Variants in DNAH6 observed in about 807,000 individuals in gnomAD.
DNAH6 encodes the protein dynein axonemal heavy chain 6.
Under a neutral mutation model 491.4 loss-of-function variants are expected in DNAH6, and 340 were observed. The ratio of observed to expected loss-of-function variants is 0.69; its 90% CI spans 0.63 to 0.76. The LOEUF (loss-of-function observed/expected upper bound fraction) is 0.76, where lower values mean the gene tolerates loss of function less well. Among genes scored for constraint, DNAH6 ranks in the 30% least tolerant of loss-of-function variants. DNAH6 has a pLI of 0.00. For synonymous variants in DNAH6, 1,603 were observed against 1,686.1 expected (o/e 0.95, Z 1.21); for missense variants, 4,443 against 4,972.2 (o/e 0.89, Z 3.20).
At chr2:84,654,951 A>G (rs564916332) in intron 35 of DNAH6, among the ~76,000 whole-genome samples, 169 bp downstream of exon 35, 1 of 151,020 alleles carries the variant, frequency 6.6e-6, no homozygotes, top group South Asian at 2.1e-4. Context: ...ATGTTTATAT[A>G]CTCCCCAAAT....
chr2:84,620,736 A>C (rs1038219535), intron 24 of DNAH6, among the ~76,000 whole-genome samples: 4 of 152,216 alleles, frequency 2.6e-5, no homozygotes, highest in African/African-American at 4.8e-5. Context: ...ATCTTGGGAA[A>C]ACATGAAATT....
At chr2:84,718,855 G>T (rs1490803580) in intron 59 of DNAH6, among the ~76,000 whole-genome samples, 1 of 152,162 alleles carries the variant, frequency 6.6e-6, no homozygotes, top group East Asian at 1.9e-4. Context: ...TCTATGCAGT[G>T]GGAATCTGTG....
intron 53 of DNAH6, 51 bp from the exon 54 acceptor site, chr2:84,707,469 C>G (rs374540130): frequency 1.4e-6 from 2 of 1,446,818 alleles, no homozygotes; most frequent in African/African-American, 2.9e-5. Flanking sequence ...GCTTTTAATA[C>G]TTTATGAAAA....
intron 29 of DNAH6, 109 bp downstream of exon 29, chr2:84,625,172 A>G: frequency 1.9e-6 from 2 of 1,041,392 alleles, no homozygotes; most frequent in Non-Finnish European, 2.6e-6. Context: ...CAAGCAAGAG[A>G]AAAGAAATGG....
At chr2:84,810,435 C>A (rs1679860272) in intron 72 of DNAH6, among the ~76,000 whole-genome samples, 1 of 152,184 alleles carries the variant, frequency 6.6e-6, no homozygotes. Context: ...CTAATGGAAG[C>A]ATAAGGGGAG....
rs1041751592 is a variant in DNAH6, at chr2:84,719,223, G to T, written c.9792+839G>T. On this transcript the variant is annotated intron_variant, in intron 59 of 76. Coordinates refer to ENST00000389394, the MANE Select transcript of DNAH6 (RefSeq NM_001370.2). ...AACAGTAATAAGCAAGTAATTTTGG[G>T]CCTCTGTTTTCTTCCTCTCTGCTTT... 3.9e-5 allele frequency among the ~76,000 whole-genome samples: 6 copies of T among 152,090 alleles called. No homozygotes were observed. In the East Asian group the frequency reaches 1.2e-3, roughly 29 times the overall value.
Position 84,694,412 on chromosome 2 carries a change from C to T in DNAH6, c.7456C>T (p.Leu2486=), listed in dbSNP as rs192985305. The T allele has an allele frequency of 8.2e-5, 128 of 1,552,244 alleles. No individual in the cohort carries two copies. Among genetic ancestry groups the T allele is most frequent in the Non-Finnish European group, 1.1e-4 (125 of 1,147,118 alleles). ...GYNYDSFHED[L]RKLYKMAGVE... Reference sequence around the variant, plus strand: ...TAATTATGATAGTTTTCATGAAGACCTGAGGAAGTTGTACAAAATGGCTGG... The same window carrying T: ...TAATTATGATAGTTTTCATGAAGACTTGAGGAAGTTGTACAAAATGGCTGG... Residue 2486 remains leucine, a synonymous_variant, in exon 46 of 77, where the codon CTG becomes TTG. Coordinates refer to ENST00000389394, the MANE Select transcript of DNAH6 (RefSeq NM_001370.2).
intron 57 of DNAH6, 56 bp from the exon 58 acceptor site, chr2:84,715,504 G>A (rs755892920): frequency 6.8e-7 from 1 of 1,469,380 alleles, no homozygotes; most frequent in African/African-American, 1.4e-5. Flanking sequence ...AATAAAGAAA[G>A]GTATTTTATT....
intron 46 of DNAH6, among the ~76,000 whole-genome samples, chr2:84,697,290 T>A (rs1003050858): frequency 6.6e-6 from 1 of 152,166 alleles, no homozygotes; most frequent in Non-Finnish European, 1.5e-5. Flanking sequence ...GAACTATGGG[T>A]TAGTATTAAT....
chr2:84,544,092 G>A (rs1678531379), intron 4 of DNAH6, 141 bp from the exon 5 acceptor site: 1 of 448,948 alleles, frequency 2.2e-6, no homozygotes. Flanking sequence ...TAATGTGAAA[G>A]TAGTTGGTTA....
intron 59 of DNAH6, among the ~76,000 whole-genome samples, chr2:84,719,895 C>T (rs530269497): frequency 1.5e-5 from 2 of 137,112 alleles, no homozygotes; most frequent in African/African-American, 2.9e-5. Flanking sequence ...CACACACACA[C>T]ACAGACACAC....
rs1247495493 is a variant in DNAH6 at position 84,619,788 on chromosome 2, A to G, written c.3676A>G (p.Lys1226Glu). 1 of 1,551,630 alleles carries G rather than the reference A, an allele frequency of 6.4e-7. No individual in the cohort carries two copies. The highest frequency in any genetic ancestry group is 8.7e-7 in the Non-Finnish European group (1 of 1,146,862). ...AAGGAAATGCTTCGACTCCATTTCA[A>G]AGCTCGAATTTGCTCTCATGCCTCC... is the stretch of plus-strand genomic sequence containing the variant. The part of the protein sequence containing the change: ...HLRKCFDSIS[K>E]LEFALMPPAE... The change falls in exon 24 of 77, where the codon AAG becomes GAG. Residue 1226 changes from lysine to glutamate, a missense_variant. Transcript: ENST00000389394.
chr2:84,598,089 G>T (rs1187883458), intron 18 of DNAH6, among the ~76,000 whole-genome samples: 2 of 142,506 alleles, frequency 1.4e-5, no homozygotes, highest in South Asian at 4.2e-4. Flanking sequence ...AAGTGAACTC[G>T]TGGTTACTCG....
intron 35 of DNAH6, among the ~76,000 whole-genome samples, chr2:84,657,999 G>A (rs1691140156): frequency 6.6e-6 from 1 of 151,936 alleles, no homozygotes; most frequent in African/African-American, 2.4e-5. Flanking sequence ...ATAGAAGAGT[G>A]CATGAAATAT....
At chr2:84,689,905 C>T (rs546431329) in intron 45 of DNAH6, among the ~76,000 whole-genome samples, 1 of 152,296 alleles carries the variant, frequency 6.6e-6, no homozygotes, top group African/African-American at 2.4e-5. Flanking sequence ...TTCATAACAG[C>T]TCTCCAGATA....
chr2:84,500,690 G>A, the DNAH6 span, among the ~76,000 whole-genome samples: 1 of 152,016 alleles, frequency 6.6e-6, no homozygotes, highest in Non-Finnish European at 1.5e-5. Flanking sequence ...ATTTTTTGGT[G>A]TCCTCTTCAA....
At chr2:84,670,587 C>T in intron 39 of DNAH6, 112 bp downstream of exon 39, 1 of 803,290 alleles carries the variant, frequency 1.2e-6, no homozygotes. Context: ...GCTTAATTTA[C>T]TTGTAAAGGT....
At chr2:84,704,453 C>T (rs1032871431) in intron 51 of DNAH6, among the ~76,000 whole-genome samples, 151 bp downstream of exon 51, 1 of 152,160 alleles carries the variant, frequency 6.6e-6, no homozygotes, top group African/African-American at 2.4e-5. Context: ...CATTTTCTTC[C>T]CCAACATCTA....
rs757702390 is a variant in DNAH6 at position 84,710,363 on chromosome 2, G to A, written c.9329G>A (p.Arg3110Gln). 26 of 1,551,522 alleles carry A rather than the reference G, an allele frequency of 1.7e-5. No homozygotes were observed. Among genetic ancestry groups the A allele is most frequent in the African/African-American group, 5.5e-5 (4 of 73,022 alleles). ...IIKLTDSNFLRILENSIRLGL... is the reference protein window; with the variant it reads ...IIKLTDSNFLQILENSIRLGL... Reference sequence around the variant, plus strand: ...AAGCTTACAGATAGTAATTTCTTACGAATACTCGAGAATTCAATCCGACTT... The same window carrying A: ...AAGCTTACAGATAGTAATTTCTTACAAATACTCGAGAATTCAATCCGACTT... Residue 3110 changes from arginine to glutamine, a missense_variant, in exon 56 of 77, where the codon CGA (arginine) becomes CAA (glutamine). Coordinates refer to ENST00000389394, the MANE Select transcript of DNAH6 (RefSeq NM_001370.2).
Sources: gnomAD v4.1 joint callset for allele counts (sites outside exome capture counted in the v4.1 genomes callset) on GRCh38, gnomAD v4.1.1 for gene constraint, MANE v1.5 for transcripts, NCBI Gene and HGNC (gene_info 2026-07-23, HGNC 2026-07-21) for gene names.